CCDC141: variants seen among roughly 807,000 people sequenced by gnomAD.
CCDC141 encodes the protein coiled-coil domain containing 141, also known as coiled-coil domain-containing protein 141.
A neutral mutation model predicts 181.0 loss-of-function variants in CCDC141; 168 were observed. The ratio of observed to expected loss-of-function variants is 0.93; its 90% confidence interval spans 0.82 to 1.05. CCDC141 has a LOEUF of 1.05. Among genes scored for constraint, CCDC141 ranks in the 50% least tolerant of loss-of-function variants. CCDC141 has a pLI of 0.00. For missense variants in CCDC141, 1,902 were observed against 1,788.5 expected (o/e 1.06, Z -1.14); for synonymous variants, 666 against 642.3 (o/e 1.04, Z -0.56).
At position 178,834,084 on chromosome 2, in the gene CCDC141, G is replaced by T; in HGVS notation, c.*89C>A. Reference sequence around the variant, plus strand: ...ATCAGACTGGAGATACACTTGGTGGGAGATGCTTTGCAGGAGGTGCAGGAA... The same window carrying T: ...ATCAGACTGGAGATACACTTGGTGGTAGATGCTTTGCAGGAGGTGCAGGAA... On this transcript the variant is annotated 3_prime_UTR_variant, in exon 24 of 24. Coordinates refer to ENST00000443758, the MANE Select transcript of CCDC141 (RefSeq NM_173648.4). The T allele has an allele frequency of 2.3e-6, 3 of 1,291,940 alleles. No homozygotes were observed. The highest frequency in any genetic ancestry group is 3.2e-6 in the Non-Finnish European group (3 of 939,848). The allele number at this position is 1,291,940 out of a possible 1,614,324, so 80.0% of individuals were successfully genotyped here.
Position 178,838,927 on chromosome 2 carries a change from C to A in CCDC141, c.3475-1183G>T, listed in dbSNP as rs76606967. Among the ~76,000 whole-genome samples, 562 of 152,322 alleles carry A rather than the reference C, an allele frequency of 3.7e-3. 6 individuals carry two copies. The highest frequency in any genetic ancestry group is 0.013 in the African/African-American group (537 of 41,576). On this transcript the variant is annotated intron_variant, in intron 22 of 23. Coordinates refer to ENST00000443758, the MANE Select transcript of CCDC141 (RefSeq NM_173648.4). ...CATTGAAGCTGAAAAGCGATCTTAT[C>A]TATCCCCACCTGCTGGTTTTATATC...
intron 21 of CCDC141, among the ~76,000 whole-genome samples, chr2:178,848,601 G>C (rs1029525067): frequency 3.3e-5 from 5 of 152,190 alleles, no homozygotes; most frequent in African/African-American, 1.2e-4. Flanking sequence ...CAAGGTAAAA[G>C]CTGGAAAGGG....
chr2:178,887,803 C>A (rs951655006), intron 9 of CCDC141, among the ~76,000 whole-genome samples: 1 of 152,322 alleles, frequency 6.6e-6, no homozygotes. Context: ...CCGTATCAAA[C>A]GAAAACATCA....
At chr2:178,841,978 T>C (rs1004603995) in intron 22 of CCDC141, among the ~76,000 whole-genome samples, 2 of 152,236 alleles carry the variant, frequency 1.3e-5, no homozygotes, top group Non-Finnish European at 2.9e-5. Flanking sequence ...TCTAGAACTG[T>C]CTAGTTTTCA....
chr2:178,961,101 G>T, intron 5 of CCDC141, 129 bp downstream of exon 5: 1 of 970,168 alleles, frequency 1.0e-6, no homozygotes, highest in Non-Finnish European at 1.5e-6. Flanking sequence ...TAGTTTGGAT[G>T]AAAGCTTTTT....
intron 2 of CCDC141, among the ~76,000 whole-genome samples, chr2:179,030,438 T>TA (rs893201687): frequency 2.0e-5 from 3 of 151,960 alleles, no homozygotes; most frequent in African/African-American, 4.8e-5. Flanking sequence ...AACATAACCA[T>TA]AAAAAATCCA....
intron 9 of CCDC141, 146 bp downstream of exon 9, chr2:178,888,381 G>T (rs1686985967): frequency 2.8e-6 from 2 of 722,692 alleles, no homozygotes; most frequent in African/African-American, 3.5e-5. Flanking sequence ...TTACAACTCT[G>T]TTTAGTTCAA....
At chr2:178,841,466 C>T (rs1174645432) in intron 22 of CCDC141, among the ~76,000 whole-genome samples, 1 of 152,118 alleles carries the variant, frequency 6.6e-6, no homozygotes, top group Non-Finnish European at 1.5e-5. Context: ...ATCAATTTGG[C>T]TCTTGGCACT....
chr2:178,909,378 G>C (rs2154373458), intron 7 of CCDC141, among the ~76,000 whole-genome samples: 1 of 152,276 alleles, frequency 6.6e-6, no homozygotes, highest in South Asian at 2.1e-4. Flanking sequence ...GGAGGTAAGT[G>C]ATTTTACTCC....
intron 5 of CCDC141, among the ~76,000 whole-genome samples, chr2:178,945,260 A>T (rs1689681836): frequency 6.6e-6 from 1 of 152,142 alleles, no homozygotes; most frequent in South Asian, 2.1e-4. Context: ...AACACTTGAC[A>T]TGGGGGCCCT....
intron 8 of CCDC141, among the ~76,000 whole-genome samples, chr2:178,891,931 G>C (rs568940171): frequency 6.6e-6 from 1 of 152,032 alleles, no homozygotes; most frequent in African/African-American, 2.4e-5. Flanking sequence ...TTGTAGCCCT[G>C]AACACATAGC....
chr2:178,935,692 C>A (rs778926163), intron 6 of CCDC141, among the ~76,000 whole-genome samples: 2 of 151,724 alleles, frequency 1.3e-5, no homozygotes, highest in Non-Finnish European at 3.0e-5. Flanking sequence ...TTTAAGGAGT[C>A]TCCATACTGT....
chr2:178,865,771 T>C lies in CCDC141; in HGVS notation c.2720A>G (p.Asn907Ser), dbSNP rs146212332. 3.3e-6 allele frequency: 5 copies of C among 1,521,662 alleles called. No homozygotes were observed. Among genetic ancestry groups the C allele is most frequent in the African/African-American group, 1.4e-5 (1 of 71,252 alleles). The allele number at this position is 1,521,662 out of a possible 1,614,324, so 94.3% of individuals were successfully genotyped here. The change falls in exon 17 of 24, where the codon AAT becomes AGT. Residue 907 changes from asparagine to serine, a missense_variant. Asn to Ser is a conservative substitution (Grantham distance 46). Transcript: ENST00000443758. ...VEYCAMRDEINELKDSFKDIK... is the reference protein window; with the variant it reads ...VEYCAMRDEISELKDSFKDIK... ...TCTCACCCCTCCCACACCCACCTCATTTATCTCGTCTCTCATGGCGCAGTA... is the reference window on the plus strand; with the variant it reads ...TCTCACCCCTCCCACACCCACCTCACTTATCTCGTCTCTCATGGCGCAGTA...
At position 178,865,790 on chromosome 2, in the gene CCDC141, C is replaced by T. The variant is rs139607358; in HGVS notation, c.2701G>A (p.Ala901Thr). 2.6e-4 allele frequency: 404 copies of T among 1,578,046 alleles called. No homozygotes were observed. In the African/African-American group the frequency reaches 3.4e-3, roughly 13 times the overall value. Residue 901 changes from alanine to threonine, a missense_variant, in exon 17 of 24, where the codon GCC becomes ACC. Ala to Thr is a moderately conservative substitution (Grantham distance 58). Coordinates refer to ENST00000443758, the MANE Select transcript of CCDC141 (RefSeq NM_173648.4). ...RTLSRSVEYC[A>T]MRDEINELKD... The stretch of plus-strand genomic sequence containing the variant: ...ACCTCATTTATCTCGTCTCTCATGG[C>T]GCAGTACTCCACACTACGGGACAGG...
At chr2:178,941,625 A>G (rs1426393091) in intron 6 of CCDC141, among the ~76,000 whole-genome samples, 1 of 152,122 alleles carries the variant, frequency 6.6e-6, no homozygotes, top group Admixed American at 6.5e-5. Context: ...AAATAAAAAA[A>G]GAAATCCCAA....
intron 23 of CCDC141, 41 bp from the exon 24 acceptor site, chr2:178,834,481 T>C: frequency 1.3e-6 from 2 of 1,527,952 alleles, no homozygotes; most frequent in Non-Finnish European, 1.8e-6. Flanking sequence ...GATTGCTGTT[T>C]ATTCACATTA....
chr2:178,865,520 T>C (rs568751450), intron 17 of CCDC141, among the ~76,000 whole-genome samples: 8 of 152,322 alleles, frequency 5.3e-5, no homozygotes, highest in East Asian at 3.9e-4. Flanking sequence ...TACTGAATTA[T>C]AGGTTTTTCT....
At chr2:178,869,345 GAA>G (rs1686004683) in intron 14 of CCDC141, 40 bp from the exon 15 acceptor site, 2 of 1,485,118 alleles carry the variant, frequency 1.3e-6, no homozygotes, top group Non-Finnish European at 1.8e-6. Context: ...TGCTATTAAA[GAA>G]CTTTTTTACT....
Position 178,872,237 on chromosome 2 carries a change from C to T in CCDC141, c.1975G>A (p.Glu659Lys). The T allele has an allele frequency of 6.2e-7, 1 of 1,614,060 alleles. No individual in the cohort carries two copies. The part of the protein sequence containing the change: ...MKNTMENQKA[E>K]REELSLLRLA... ...CGAAGGAGGCTAAGTTCTTCCCGTT[C>T]TGCTTTCTGGTTTTCCATGGTGTTC... The change falls in exon 13 of 24, where the codon GAA (glutamate) becomes AAA (lysine). Residue 659 changes from glutamate to lysine, a missense_variant. Physicochemically the swap from Glu to Lys is moderately conservative, Grantham distance 56. Transcript: ENST00000443758.
Sources: gnomAD v4.1 joint callset for allele counts (sites outside exome capture counted in the v4.1 genomes callset) on GRCh38, gnomAD v4.1.1 for gene constraint, MANE v1.5 for transcripts, NCBI Gene and HGNC (gene_info 2026-07-23, HGNC 2026-07-21) for gene names.